The following CAMKV variants were observed in gnomAD, a reference collection of about 807,000 sequenced individuals.
CAMKV encodes caM kinase-like vesicle-associated protein.
A neutral mutation model predicts 50.2 loss-of-function variants in CAMKV; 5 were observed. That is an observed-to-expected ratio of 0.10 (90% confidence interval 0.05 to 0.21). The LOEUF is 0.21. Among genes scored for constraint, CAMKV ranks in the 10% least tolerant of loss-of-function variants. The probability of loss-of-function intolerance (pLI) is 1.00; values close to 1 mark genes in which losing one functional copy is unlikely to be tolerated. For missense variants in CAMKV, 361 were observed against 650.5 expected (o/e 0.55, Z 4.84); for synonymous variants, 229 against 250.1 (o/e 0.92, Z 0.80).
At position 49,861,389 on chromosome 3, in the gene CAMKV, A is replaced by G. The variant is rs2082019977; in HGVS notation, c.441+50T>C. ...AAGGCCCTGAGGTGCTGCCCACCCC[A>G]GCACCAGCCCAGCTGCCAACTGGCC... On this transcript the variant is annotated intron_variant, in intron 5 of 10. Coordinates refer to ENST00000477224, the MANE Select transcript of CAMKV (RefSeq NM_024046.5). This position sits in a 1 kb window ranked among gnomAD's most constrained non-coding sequence, Gnocchi z 7.7. The G allele has an allele frequency of 1.2e-6, 2 of 1,613,308 alleles. No individual in the cohort carries two copies. Among genetic ancestry groups the G allele is most frequent in the African/African-American group, 2.7e-5 (2 of 74,930 alleles).
intron 1 of CAMKV, among the ~76,000 whole-genome samples, chr3:49,868,636 G>GAAAC (rs754158061): frequency 1.9e-4 from 29 of 152,288 alleles, no homozygotes; most frequent in Non-Finnish European, 4.0e-4. Flanking sequence ...CCCCACCCTG[G>GAAAC]AAACCAACCT....
In CAMKV at chr3:49,869,595, T is replaced by C. The variant is rs1281573532; in HGVS notation, c.-15+163A>G. The stretch of plus-strand genomic sequence containing the variant: ...AACTTTAGCCCGACCCCGCACTCCC[T>C]CCCCCAAATCTGCAAAGCCCGCGCG... On this transcript the variant is annotated intron_variant, in intron 1 of 10. Transcript: ENST00000477224. The surrounding 1 kb of genome is among the most constrained non-coding windows in gnomAD (Gnocchi z 5.2). Among the ~76,000 whole-genome samples, 4 of 148,450 alleles carry C rather than the reference T, an allele frequency of 2.7e-5. No individual in the cohort carries two copies. The highest frequency in any genetic ancestry group is 1.0e-4 in the African/African-American group (4 of 39,684).
intron 1 of CAMKV, among the ~76,000 whole-genome samples, chr3:49,865,243 T>C (rs2082055246): frequency 6.6e-6 from 1 of 152,170 alleles, no homozygotes; most frequent in Admixed American, 6.5e-5. Context: ...TCCTCACAGC[T>C]GAGAGCAGAG....
rs1222429993 is a variant in CAMKV, at chr3:49,860,899, C to T, written c.638+44G>A. ...CAGAAAGGCCACAGACACATGCCCCCACCCCATCTGACTGCAAGCCTGCTT... is the reference window on the plus strand; with the variant it reads ...CAGAAAGGCCACAGACACATGCCCCTACCCCATCTGACTGCAAGCCTGCTT... On this transcript the variant is annotated intron_variant, in intron 7 of 10. Coordinates refer to ENST00000477224, the MANE Select transcript of CAMKV (RefSeq NM_024046.5). This position sits in a 1 kb window ranked among gnomAD's most constrained non-coding sequence, Gnocchi z 6.1. The T allele has an allele frequency of 1.9e-6, 3 of 1,613,806 alleles. No individual in the cohort carries two copies. Among genetic ancestry groups the T allele is most frequent in the Non-Finnish European group, 2.5e-6 (3 of 1,179,786 alleles).
chr3:49,861,797 A>G lies in CAMKV; in HGVS notation c.296T>C (p.Leu99Pro). 6.2e-7 allele frequency: 1 copy of G among 1,613,840 alleles called. No homozygotes were observed. The highest frequency in any genetic ancestry group is 8.5e-7 in the Non-Finnish European group (1 of 1,179,858). ...TCCCCAGACCCACACTCACAGCTCC[A>G]GGAAGATAAAGTACTCCTTGCGGGT... ...FVTRKEYFIF[L>P]ELATGREVFD... is the part of the protein sequence containing the mutation. The change falls in exon 4 of 11, where the codon CTG becomes CCG. Residue 99 changes from leucine (L) to proline (P), a missense_variant. Leu to Pro is a moderately conservative substitution (Grantham distance 98, BLOSUM62 -3). Transcript: ENST00000477224. The surrounding 1 kb of genome is among the most constrained non-coding windows in gnomAD (Gnocchi z 7.7).
chr3:49,863,204 G>C (rs983269242), intron 1 of CAMKV, among the ~76,000 whole-genome samples: 1 of 152,238 alleles, frequency 6.6e-6, no homozygotes, highest in South Asian at 2.1e-4. Flanking sequence ...AAACCCGTAA[G>C]GGGGATACAA....
rs1428243150 is a variant in CAMKV at position 49,860,601 on chromosome 3, T to C, written c.776-52A>G. On this transcript the variant is annotated intron_variant, in intron 8 of 10. Coordinates refer to ENST00000477224, the MANE Select transcript of CAMKV (RefSeq NM_024046.5). This position sits in a 1 kb window ranked among gnomAD's most constrained non-coding sequence, Gnocchi z 6.1. ...GTCATGGGCACCCCATCTCAATGTC[T>C]AGAGGTGATAAATGGGCTGGGGGAC... 2 of 1,610,762 alleles carry C rather than the reference T, an allele frequency of 1.2e-6. No homozygotes were observed. Among genetic ancestry groups the C allele is most frequent in the Non-Finnish European group, 1.7e-6 (2 of 1,177,388 alleles).
At chr3:49,868,406 A>G (rs914949698) in intron 1 of CAMKV, among the ~76,000 whole-genome samples, 4 of 152,138 alleles carry the variant, frequency 2.6e-5, no homozygotes, top group Admixed American at 2.0e-4. Context: ...GCAACCCAGA[A>G]ACAGGATAAC....
Position 49,860,334 on chromosome 3 carries a change from C to T in CAMKV, c.855-76G>A. ...GACTCTGCTCAGCCCTTCTATGTGGCATCCAGGGACTACCAGGCAGAGCCT... is the reference window on the plus strand; with the variant it reads ...GACTCTGCTCAGCCCTTCTATGTGGTATCCAGGGACTACCAGGCAGAGCCT... On this transcript the variant is annotated intron_variant, in intron 9 of 10. Transcript: ENST00000477224. The surrounding 1 kb of genome is among the most constrained non-coding windows in gnomAD (Gnocchi z 6.1). 1 of 1,536,108 alleles carries T rather than the reference C, an allele frequency of 6.5e-7. No individual in the cohort carries two copies. The highest frequency in any genetic ancestry group is 9.0e-7 in the Non-Finnish European group (1 of 1,110,284).
Position 49,860,069 on chromosome 3 carries a change from G to A in CAMKV, c.942+102C>T. On this transcript the variant is annotated intron_variant, in intron 10 of 10. Coordinates refer to ENST00000477224, the MANE Select transcript of CAMKV (RefSeq NM_024046.5). The surrounding 1 kb of genome is among the most constrained non-coding windows in gnomAD (Gnocchi z 6.1). The stretch of plus-strand genomic sequence containing the variant: ...GCTACACCCACACCTGATGGCCTGA[G>A]AAAAGCTTGTGTGTGGCTGCAGGGG... 1 of 1,200,744 alleles carries A rather than the reference G, an allele frequency of 8.3e-7. No individual in the cohort carries two copies. Among genetic ancestry groups the A allele is most frequent in the Non-Finnish European group, 1.2e-6 (1 of 815,482 alleles). The allele number at this position is 1,200,744 out of a possible 1,614,324, so 74.4% of individuals were successfully genotyped here.
rs2082010580 is a variant in CAMKV, at chr3:49,860,358, C to T, written c.855-100G>A. ...GCATCCAGGGACTACCAGGCAGAGC[C>T]TCTGGGCTGCCCTGAGCTCTAGGTA... On this transcript the variant is annotated intron_variant, in intron 9 of 10. Coordinates refer to ENST00000477224, the MANE Select transcript of CAMKV (RefSeq NM_024046.5). This position sits in a 1 kb window ranked among gnomAD's most constrained non-coding sequence, Gnocchi z 6.1. 6.6e-7 allele frequency: 1 copy of T among 1,521,638 alleles called. No individual in the cohort carries two copies. The highest frequency in any genetic ancestry group is 1.1e-5 in the South Asian group (1 of 88,400). 94.3% of individuals were successfully genotyped at this position (1,521,638 alleles called of 1,614,324 possible).
rs1575406101 is a variant in CAMKV, at chr3:49,860,628, G to A, written c.776-79C>T. On this transcript the variant is annotated intron_variant, in intron 8 of 10. Transcript: ENST00000477224. The surrounding 1 kb of genome is among the most constrained non-coding windows in gnomAD (Gnocchi z 6.1). The stretch of plus-strand genomic sequence containing the variant: ...GAGGTGATAAATGGGCTGGGGGACA[G>A]AAGCAGAATACCACAGAGGAAGATG... The A allele has an allele frequency of 1.9e-6, 3 of 1,611,068 alleles. No homozygotes were observed. The highest frequency in any genetic ancestry group is 1.7e-4 in the Middle Eastern group (1 of 6,058).
intron 1 of CAMKV, among the ~76,000 whole-genome samples, chr3:49,865,217 T>C (rs973532873): frequency 2.6e-5 from 4 of 152,196 alleles, no homozygotes; most frequent in African/African-American, 7.2e-5. Context: ...GGGAGAAGCA[T>C]GTGGCCAGAA....
At chr3:49,867,791 C>A (rs1459464786) in intron 1 of CAMKV, among the ~76,000 whole-genome samples, 1 of 152,050 alleles carries the variant, frequency 6.6e-6, no homozygotes, top group Non-Finnish European at 1.5e-5. Context: ...AAGACAGAAC[C>A]TGTGATGGAA....
Position 49,860,866 on chromosome 3 carries a change from G to C in CAMKV, c.639-14C>G. Reference sequence around the variant, plus strand: ...TTGCCTGAAAGCCTGCATGGGGGAAGGGTCACACAGAAAGGCCACAGACAC... The same window carrying C: ...TTGCCTGAAAGCCTGCATGGGGGAACGGTCACACAGAAAGGCCACAGACAC... On this transcript the variant is annotated splice_polypyrimidine_tract_variant and intron_variant, in intron 7 of 10. Coordinates refer to ENST00000477224, the MANE Select transcript of CAMKV (RefSeq NM_024046.5). This position sits in a 1 kb window ranked among gnomAD's most constrained non-coding sequence, Gnocchi z 6.1. 6.2e-7 allele frequency: 1 copy of C among 1,614,062 alleles called. No individual in the cohort carries two copies. Among genetic ancestry groups the C allele is most frequent in the Non-Finnish European group, 8.5e-7 (1 of 1,179,984 alleles).
At position 49,860,363 on chromosome 3, in the gene CAMKV, G is replaced by C; in HGVS notation, c.855-105C>G. 6.6e-7 allele frequency: 1 copy of C among 1,525,874 alleles called. No individual in the cohort carries two copies. The highest frequency in any genetic ancestry group is 9.1e-7 in the Non-Finnish European group (1 of 1,103,014). The allele number at this position is 1,525,874 out of a possible 1,614,324, so 94.5% of individuals were successfully genotyped here. A position where few individuals can be genotyped will look rare whatever the true frequency, so the allele number is the denominator to read the frequency against. On this transcript the variant is annotated intron_variant, in intron 9 of 10. Coordinates refer to ENST00000477224, the MANE Select transcript of CAMKV (RefSeq NM_024046.5). This position sits in a 1 kb window ranked among gnomAD's most constrained non-coding sequence, Gnocchi z 6.1. ...CAGGGACTACCAGGCAGAGCCTCTG[G>C]GCTGCCCTGAGCTCTAGGTACCTGC...
Position 49,869,500 on chromosome 3 carries a change from T to C in CAMKV, c.-15+258A>G, listed in dbSNP as rs1289409768. Among the ~76,000 whole-genome samples the C allele has an allele frequency of 1.3e-5, 2 of 151,716 alleles. No homozygotes were observed. Among genetic ancestry groups the C allele is most frequent in the African/African-American group, 2.4e-5 (1 of 41,264 alleles). ...ACGGGGGACCACGAATCTTCGAGGG[T>C]TAATCTTTTCACAATTCCGAGCCGC... On this transcript the variant is annotated intron_variant, in intron 1 of 10. Coordinates refer to ENST00000477224, the MANE Select transcript of CAMKV (RefSeq NM_024046.5). The surrounding 1 kb of genome is among the most constrained non-coding windows in gnomAD (Gnocchi z 5.2).
In CAMKV at chr3:49,861,869, G is replaced by A. The variant is rs2082024589; in HGVS notation, c.228-4C>T. ...TAGGATGTTGGGATGCTTCACCCTG[G>A]CGACAGGGAGGGGAGCCAGTAGTTA... On this transcript the variant is annotated splice_region_variant and splice_polypyrimidine_tract_variant and intron_variant, in intron 3 of 10. Coordinates refer to ENST00000477224, the MANE Select transcript of CAMKV (RefSeq NM_024046.5). This position sits in a 1 kb window ranked among gnomAD's most constrained non-coding sequence, Gnocchi z 7.7. 1 of 1,613,714 alleles carries A rather than the reference G, an allele frequency of 6.2e-7. No homozygotes were observed.
Position 49,861,871 on chromosome 3 carries a change from G to C in CAMKV, c.228-6C>G, listed in dbSNP as rs761518616. On this transcript the variant is annotated splice_region_variant and splice_polypyrimidine_tract_variant and intron_variant, in intron 3 of 10. Transcript: ENST00000477224. The surrounding 1 kb of genome is among the most constrained non-coding windows in gnomAD (Gnocchi z 7.7). ...GGATGTTGGGATGCTTCACCCTGGC[G>C]ACAGGGAGGGGAGCCAGTAGTTAGG... 1.9e-6 allele frequency: 3 copies of C among 1,613,516 alleles called. No individual in the cohort carries two copies. Among genetic ancestry groups the C allele is most frequent in the Non-Finnish European group, 2.5e-6 (3 of 1,179,768 alleles).
Sources: allele counts gnomAD v4.1 joint callset (sites outside exome capture counted in the v4.1 genomes callset), GRCh38; gene constraint gnomAD v4.1.1; non-coding constraint Gnocchi (gnomAD v3.1); transcripts MANE v1.5; gene names NCBI Gene and HGNC (gene_info 2026-07-23, HGNC 2026-07-21).